Variants in CRTAC1 observed in about 807,000 individuals in gnomAD.
CRTAC1 encodes acidic secreted protein in cartilage.
A neutral mutation model predicts 67.8 loss-of-function variants in CRTAC1; 37 were observed. That is an observed-to-expected ratio of 0.55 (90% CI 0.42 to 0.72). The LOEUF (loss-of-function observed/expected upper bound fraction) is 0.72. Among genes scored for constraint, CRTAC1 ranks in the 30% least tolerant of loss-of-function variants. The pLI is 0.00. For synonymous variants in CRTAC1, 348 were observed against 371.0 expected, an observed-to-expected ratio of 0.94 and a Z score of 0.71; for missense variants, 780 against 931.6, an observed-to-expected ratio of 0.84 and a Z score of 2.12.
chr10:98,011,975 C>T lies in CRTAC1; in HGVS notation c.25-638G>A, dbSNP rs151083869. Among the ~76,000 whole-genome samples, 417 of 152,232 alleles carry T rather than the reference C, an allele frequency of 2.7e-3. 1 individual carries two copies. Among genetic ancestry groups the T allele is most frequent in the African/African-American group, 9.6e-3 (399 of 41,526 alleles). ...AATGAAAGACTGTTCTCCTGTGGTA[C>T]ATACTCCAGAGGTAGCCAGGGGGAA... On this transcript the variant is annotated intron_variant, in intron 1 of 14. Coordinates refer to ENST00000370597, the MANE Select transcript of CRTAC1 (RefSeq NM_018058.7).
At chr10:98,026,577 C>T (rs1162905356) in intron 1 of CRTAC1, among the ~76,000 whole-genome samples, 4 of 151,976 alleles carry the variant, frequency 2.6e-5, no homozygotes, top group Non-Finnish European at 5.9e-5. Context: ...CCTCTTAAGA[C>T]TCCAGTTTAA....
At chr10:98,014,909 A>C (rs963590051) in intron 1 of CRTAC1, among the ~76,000 whole-genome samples, 5 of 152,250 alleles carry the variant, frequency 3.3e-5, no homozygotes, top group African/African-American at 1.2e-4. Flanking sequence ...AAAAATTCCA[A>C]TTAGAATTGT....
At chr10:97,897,164 G>A (rs1272708663) in intron 8 of CRTAC1, among the ~76,000 whole-genome samples, 173 bp from the exon 9 acceptor site, 1 of 152,190 alleles carries the variant, frequency 6.6e-6, no homozygotes, top group Non-Finnish European at 1.5e-5. Context: ...TACTCTGCCT[G>A]TTCCCTGCCT....
At chr10:97,913,969 C>T (rs999211974) in intron 5 of CRTAC1, among the ~76,000 whole-genome samples, 3 of 152,228 alleles carry the variant, frequency 2.0e-5, no homozygotes, top group Non-Finnish European at 4.4e-5. Context: ...CTGCTCCCAG[C>T]CAACAGCAAA....
chr10:97,904,737 A>G lies in CRTAC1; in HGVS notation c.928T>C (p.Tyr310His), dbSNP rs769849661. 2.5e-6 allele frequency: 4 copies of G among 1,606,970 alleles called. No individual in the cohort carries two copies. The East Asian group carries it at 6.8e-5, about 27-fold the overall frequency. Reference protein sequence around the residue: ...FNRDGKVDIVYGNWNGPHRLY... With the variant: ...FNRDGKVDIVHGNWNGPHRLY... ...CGGTGGGGGCCATTCCAGTTGCCAT[A>G]GACGATGTCCACTTTGCCATCACGG... Residue 310 changes from tyrosine to histidine, a missense_variant, in exon 7 of 15, where the codon TAT becomes CAT. Coordinates refer to ENST00000370597, the MANE Select transcript of CRTAC1 (RefSeq NM_018058.7).
At chr10:97,954,018 T>C (rs1439698136) in intron 2 of CRTAC1, among the ~76,000 whole-genome samples, 2 of 152,164 alleles carry the variant, frequency 1.3e-5, no homozygotes, top group African/African-American at 4.8e-5. Flanking sequence ...GCCAGGTGGC[T>C]GTCGAGACGT....
intron 14 of CRTAC1, chr10:97,875,716 T>G (rs1417259720): frequency 6.6e-6 from 1 of 152,142 alleles, no homozygotes; most frequent in Non-Finnish European, 1.5e-5. Context: ...CCTGCAAAAA[T>G]GAAGTGCTCA....
intron 4 of CRTAC1, among the ~76,000 whole-genome samples, chr10:97,920,176 AC>A (rs1318977914): frequency 2.0e-5 from 3 of 152,130 alleles, no homozygotes; most frequent in African/African-American, 7.2e-5. Context: ...ACCCTTCCCG[AC>A]CCTACCAGCT....
intron 14 of CRTAC1, among the ~76,000 whole-genome samples, chr10:97,873,746 C>T (rs954524573): frequency 1.3e-5 from 2 of 152,206 alleles, no homozygotes; most frequent in African/African-American, 4.8e-5. Flanking sequence ...AGACTGCTTT[C>T]CTGCTGGCAG....
chr10:97,965,366 G>C (rs1165078236), intron 2 of CRTAC1, among the ~76,000 whole-genome samples: 4 of 152,164 alleles, frequency 2.6e-5, no homozygotes, highest in Non-Finnish European at 5.9e-5. Flanking sequence ...AGGAAACTGA[G>C]GCAAAAGCAG....
chr10:98,015,023 T>C (rs1842969869), intron 1 of CRTAC1, among the ~76,000 whole-genome samples: 1 of 152,160 alleles, frequency 6.6e-6, no homozygotes, highest in Non-Finnish European at 1.5e-5. Context: ...TTATTCACAA[T>C]AGCCAAAAGG....
At chr10:97,986,961 C>T (rs2051992432) in intron 2 of CRTAC1, among the ~76,000 whole-genome samples, 1 of 152,194 alleles carries the variant, frequency 6.6e-6, no homozygotes, top group Non-Finnish European at 1.5e-5. Context: ...TGGTACATTG[C>T]AGGTGCTCAT....
chr10:97,913,071 T>C (rs1027937710), intron 5 of CRTAC1, among the ~76,000 whole-genome samples: 4 of 151,334 alleles, frequency 2.6e-5, no homozygotes, highest in African/African-American at 9.7e-5. Flanking sequence ...ATATTGTAAA[T>C]GAGTAGGGCA....
chr10:98,019,493 C>T (rs1380728187), intron 1 of CRTAC1, among the ~76,000 whole-genome samples: 1 of 152,236 alleles, frequency 6.6e-6, no homozygotes, highest in African/African-American at 2.4e-5. Context: ...TGAACATCCA[C>T]AATGCACAGG....
chr10:97,976,428 A>G (rs1426572022), intron 2 of CRTAC1, among the ~76,000 whole-genome samples: 5 of 152,234 alleles, frequency 3.3e-5, no homozygotes, highest in Non-Finnish European at 7.3e-5. Context: ...TGTCTCACCT[A>G]TAAAGTGGAA....
At chr10:97,940,945 C>T (rs2051164331) in intron 2 of CRTAC1, among the ~76,000 whole-genome samples, 1 of 152,160 alleles carries the variant, frequency 6.6e-6, no homozygotes. Context: ...ATTTCCTGTC[C>T]CCAAACATCC....
At chr10:98,012,983 G>A (rs190325243) in intron 1 of CRTAC1, among the ~76,000 whole-genome samples, 4 of 152,334 alleles carry the variant, frequency 2.6e-5, no homozygotes, top group Non-Finnish European at 5.9e-5. Flanking sequence ...CAGGAACTTT[G>A]ATTGGATAAA....
In CRTAC1 at chr10:97,930,514, T is replaced by C. The variant is rs141453625; in HGVS notation, c.421+5656A>G. On this transcript the variant is annotated intron_variant, in intron 3 of 14. Transcript: ENST00000370597. ...GAAGCTCCTGGAGATTAAATACAGA[T>C]TCTGGTTTTGGAGGTCTGGTGTGGG... Among the ~76,000 whole-genome samples the C allele has an allele frequency of 1.9e-3, 296 of 152,274 alleles. 3 individuals are homozygous for C. The East Asian group carries it at 0.048, about 25-fold the overall frequency.
At chr10:98,015,894 T>C (rs1186879194) in intron 1 of CRTAC1, among the ~76,000 whole-genome samples, 1 of 152,134 alleles carries the variant, frequency 6.6e-6, no homozygotes, top group Non-Finnish European at 1.5e-5. Context: ...GCTCCCAGAG[T>C]CCTGAAACCA....
Sources: allele counts gnomAD v4.1 joint callset (sites outside exome capture counted in the v4.1 genomes callset), GRCh38; gene constraint gnomAD v4.1.1; transcripts MANE v1.5; gene names NCBI Gene and HGNC (gene_info 2026-07-23, HGNC 2026-07-21).